Variants in SHF observed in about 807,000 individuals in gnomAD.
SHF encodes the protein SH2 domain-containing adapter protein F.
A neutral mutation model predicts 42.4 loss-of-function variants in SHF; 30 were observed. The observed-to-expected ratio is 0.71, with a 90% CI of 0.53 to 0.96. The LOEUF (loss-of-function observed/expected upper bound fraction) is 0.96, where lower values mean the gene tolerates loss of function less well. Ranked by LOEUF, SHF falls within the 40% of genes least tolerant of loss-of-function variation. The pLI, the probability that SHF is intolerant of heterozygous loss-of-function variation, is 0.00. For missense variants in SHF, 598 were observed against 634.0 expected, an observed-to-expected ratio of 0.94 and a Z score of 0.61; for synonymous variants, 264 against 269.9, an observed-to-expected ratio of 0.98 and a Z score of 0.21.
intron 1 of SHF, among the ~76,000 whole-genome samples, chr15:45,180,234 C>A (rs1333843657): frequency 6.6e-6 from 1 of 152,172 alleles, no homozygotes. Flanking sequence ...TTGATCATCG[C>A]CTATCTCCCC....
chr15:45,170,700 G>A, intron 6 of SHF: 1 of 282,642 alleles, frequency 3.5e-6, no homozygotes, highest in South Asian at 3.1e-5. Context: ...GGCCTGGGCT[G>A]GAGTGCAATG....
chr15:45,198,824 C>G, exon 2 of SHF: 1 of 1,613,988 alleles, frequency 6.2e-7, no homozygotes, highest in Non-Finnish European at 8.5e-7. Context: ...GCGCGTTGTA[C>G]TCCGCCAGTT....
chr15:45,192,395 T>C (rs1898733790), upstream of SHF, among the ~76,000 whole-genome samples: 1 of 127,754 alleles, frequency 7.8e-6, no homozygotes, highest in Admixed American at 9.3e-5. Flanking sequence ...TGAGACAGAG[T>C]CTCGCTCTGT....
chr15:45,176,673 T>C (rs149784946), intron 2 of SHF, among the ~76,000 whole-genome samples: 6 of 152,294 alleles, frequency 3.9e-5, no homozygotes, highest in African/African-American at 1.4e-4. Context: ...ATACCATTGT[T>C]TCAAACTGAC....
At chr15:45,185,892 G>C (rs1936708305) in intron 1 of SHF, among the ~76,000 whole-genome samples, 1 of 152,254 alleles carries the variant, frequency 6.6e-6, no homozygotes, top group African/African-American at 2.4e-5. Flanking sequence ...CAAGCATTGT[G>C]TCAGGCACTT....
At chr15:45,197,486 A>G (rs1346313066) in intron 2 of SHF, among the ~76,000 whole-genome samples, 2 of 152,182 alleles carry the variant, frequency 1.3e-5, no homozygotes, top group East Asian at 1.9e-4. Flanking sequence ...AGGGTCTCCA[A>G]ATGGCCTGCC....
At chr15:45,178,418 C>T in intron 1 of SHF, 112 bp from the exon 2 acceptor site, 1 of 1,279,322 alleles carries the variant, frequency 7.8e-7, no homozygotes, top group East Asian at 2.6e-5. Flanking sequence ...GCCTTCGACC[C>T]AGACCCCCAG....
intron 2 of SHF, among the ~76,000 whole-genome samples, chr15:45,196,776 G>A (rs1898876595): frequency 6.6e-6 from 1 of 152,004 alleles, no homozygotes; most frequent in Non-Finnish European, 1.5e-5. Context: ...GCGGGCGCCT[G>A]TAGCCCCAGC....
chr15:45,177,891 C>G (rs1315342112), intron 2 of SHF, among the ~76,000 whole-genome samples: 1 of 152,154 alleles, frequency 6.6e-6, no homozygotes, highest in Non-Finnish European at 1.5e-5. Flanking sequence ...GATCACTGAT[C>G]CTCCCAGCCC....
At chr15:45,175,857 C>T (rs1456404699) in intron 2 of SHF, among the ~76,000 whole-genome samples, 1 of 150,622 alleles carries the variant, frequency 6.6e-6, no homozygotes, top group African/African-American at 2.5e-5. Context: ...CTTGCTCTCT[C>T]ACCCAGGCTG....
exon 1 of SHF, chr15:45,201,022 TCTTGCGGGTGAA>T (rs1350095517): frequency 5.7e-6 from 2 of 348,332 alleles, no homozygotes; most frequent in African/African-American, 4.3e-5. Context: ...TCCCGGCTGC[TCTTGCGGGTGAA>T]CGTGGGTGCG....
At chr15:45,194,201 C>A (rs995452025) in intron 2 of SHF, among the ~76,000 whole-genome samples, 6 of 151,606 alleles carry the variant, frequency 4.0e-5, no homozygotes, top group African/African-American at 1.5e-4. Context: ...AGCTTTCTTA[C>A]CTCTCCCCCA....
At chr15:45,181,338 AGAG>A in intron 1 of SHF, 1 of 152,540 alleles carries the variant, frequency 6.6e-6, no homozygotes, top group East Asian at 1.9e-4. Context: ...GAGCAGCAGC[AGAG>A]ATGCCAGTTG....
intron 2 of SHF, among the ~76,000 whole-genome samples, chr15:45,176,978 G>A (rs1037575022): frequency 6.6e-6 from 1 of 152,004 alleles, no homozygotes; most frequent in Non-Finnish European, 1.5e-5. Flanking sequence ...TCATCTTTCC[G>A]TATATAGATT....
Position 45,187,537 on chromosome 15 carries a change from G to A in SHF, c.415C>T (p.Arg139Cys), listed in dbSNP as rs1259658137. The A allele has an allele frequency of 2.4e-6, 3 of 1,229,402 alleles. No homozygotes were observed. The highest frequency in any genetic ancestry group is 3.0e-6 in the Non-Finnish European group (3 of 985,628). The allele number at this position is 1,229,402 out of a possible 1,614,324, so 76.2% of individuals were successfully genotyped here. A position where few individuals can be genotyped will look rare whatever the true frequency, so the allele number is the denominator to read the frequency against. ...PPPRHGSPPH[R>C]LIRVETPGPP... ...CCCGGGGTCTCGACCCGAATAAGGCGGTGTGGGGGAGAGCCGTGGCGCGGG... is the reference window on the plus strand; with the variant it reads ...CCCGGGGTCTCGACCCGAATAAGGCAGTGTGGGGGAGAGCCGTGGCGCGGG... The change falls in exon 1 of 7, where the codon CGC becomes TGC. Residue 139 changes from arginine to cysteine, a missense_variant. By Grantham distance (180) the Arg-to-Cys change is radical (BLOSUM62 -3). This residue lies in a region of SHF where 439 missense variants were observed against 524.6 expected (regional missense o/e 0.84). Transcript: ENST00000690270.
intron 4 of SHF, among the ~76,000 whole-genome samples, chr15:45,172,937 C>T (rs1423112284): frequency 6.6e-6 from 1 of 152,136 alleles, no homozygotes. Flanking sequence ...TGGCTGAGCC[C>T]ATAAGGGAAG....
chr15:45,171,420 GC>G (rs200757944), intron 6 of SHF: 4 of 166,868 alleles, frequency 2.4e-5, no homozygotes, highest in Admixed American at 1.1e-4. Context: ...CCAGGAACCA[GC>G]CCCCCCCAAC....
chr15:45,198,780 G>A, exon 2 of SHF: 1 of 1,611,390 alleles, frequency 6.2e-7, no homozygotes, highest in South Asian at 1.1e-5. Context: ...ACGGGGCGAG[G>A]TTCCAGCCTG....
chr15:45,168,871 C>A (rs1314392741), intron 6 of SHF, among the ~76,000 whole-genome samples: 1 of 152,314 alleles, frequency 6.6e-6, no homozygotes. Context: ...TGCCTGGCCC[C>A]GCCCTCAAGA....
Sources: allele counts gnomAD v4.1 joint callset (sites outside exome capture counted in the v4.1 genomes callset), GRCh38; gene constraint gnomAD v4.1.1; regional missense constraint gnomAD v4.1.1; transcripts MANE v1.5; gene names NCBI Gene and HGNC (gene_info 2026-07-23, HGNC 2026-07-21).